TMEM131: variants seen among roughly 807,000 people sequenced by gnomAD.
TMEM131 encodes the protein 2610524E03Rik.
A neutral mutation model predicts 211.6 loss-of-function variants in TMEM131; 66 were observed. That is an observed-to-expected ratio of 0.31 (90% CI 0.26 to 0.38). The LOEUF is 0.38. TMEM131 is among the 10% of genes least tolerant of loss of function. The pLI is 1.00. For synonymous variants in TMEM131, 844 were observed against 841.3 expected, an observed-to-expected ratio of 1.00 and a Z score of -0.06; for missense variants, 2,036 against 2,299.3, an observed-to-expected ratio of 0.89 and a Z score of 2.34.
chr2:97,872,726 A>C (rs533115761), intron 4 of TMEM131, among the ~76,000 whole-genome samples: 9 of 152,322 alleles, frequency 5.9e-5, no homozygotes, highest in African/African-American at 2.2e-4. Context: ...CGCTTGTCCC[A>C]TGGTCTCTGC....
intron 1 of TMEM131, among the ~76,000 whole-genome samples, chr2:97,992,771 TCACA>T (rs1680321061): frequency 6.6e-6 from 1 of 152,184 alleles, no homozygotes; most frequent in Non-Finnish European, 1.5e-5. Context: ...TTTTCACAAC[TCACA>T]CACATTTTTG....
intron 4 of TMEM131, among the ~76,000 whole-genome samples, chr2:97,871,958 T>C (rs1573488363): frequency 7.9e-6 from 1 of 126,626 alleles, no homozygotes; most frequent in Non-Finnish European, 1.6e-5. Context: ...GAGTGGAGAA[T>C]GGGAGGGGAG....
chr2:97,760,575 A>T lies in TMEM131; in HGVS notation c.5108+18T>A, dbSNP rs1306524594. On this transcript the variant is annotated intron_variant, in intron 38 of 40. Transcript: ENST00000186436. ...GAAGCCTTCCGTCTTTCTAGCGGTT[A>T]GTGGTGGTCTACCGTACCTGTCTGA... is the stretch of plus-strand genomic sequence containing the variant. The T allele has an allele frequency of 3.7e-6, 6 of 1,600,126 alleles. No homozygotes were observed. The highest frequency in any genetic ancestry group is 5.1e-6 in the Non-Finnish European group (6 of 1,172,364).
chr2:97,954,119 G>T (rs192588238), intron 1 of TMEM131, among the ~76,000 whole-genome samples: 60 of 152,228 alleles, frequency 3.9e-4, no homozygotes, highest in Middle Eastern at 3.4e-3. Flanking sequence ...AGAAAAAGTA[G>T]AGCAAAATAA....
At chr2:97,868,119 G>A (rs760870182) in intron 4 of TMEM131, among the ~76,000 whole-genome samples, 4 of 152,090 alleles carry the variant, frequency 2.6e-5, no homozygotes, top group Non-Finnish European at 5.9e-5. Context: ...ATTTCGAGTT[G>A]TTATTTTTGT....
intron 29 of TMEM131, among the ~76,000 whole-genome samples, chr2:97,794,363 C>T (rs1037328620): frequency 1.3e-5 from 2 of 152,092 alleles, no homozygotes; most frequent in Non-Finnish European, 2.9e-5. Flanking sequence ...AGAATGCCAT[C>T]TCACATGGAG....
rs564185474 is a variant in TMEM131, at chr2:97,987,064, G to C, written c.187+8412C>G. Among the ~76,000 whole-genome samples, 11 of 152,296 alleles carry C rather than the reference G, an allele frequency of 7.2e-5. 1 individual carries two copies. Among genetic ancestry groups the C allele is most frequent in the Admixed American group, 6.5e-4 (10 of 15,300 alleles). ...CCACTAATTAACCTGAATCCATAAA[G>C]TTGGCTATGCTATTTCTCAAACTTC... is the stretch of plus-strand genomic sequence containing the variant. On this transcript the variant is annotated intron_variant, in intron 1 of 40. Coordinates refer to ENST00000186436, the MANE Select transcript of TMEM131 (RefSeq NM_015348.2).
At chr2:97,920,027 G>T (rs1314625980) in intron 2 of TMEM131, among the ~76,000 whole-genome samples, 1 of 152,142 alleles carries the variant, frequency 6.6e-6, no homozygotes, top group Admixed American at 6.5e-5. Flanking sequence ...TTCTTCTTGG[G>T]CTCCTCCCAG....
chr2:97,887,885 T>C, intron 4 of TMEM131, 167 bp downstream of exon 4: 1 of 567,184 alleles, frequency 1.8e-6, no homozygotes, highest in Non-Finnish European at 3.1e-6. Context: ...TCCTAATAGA[T>C]ACTTACTTCC....
In TMEM131 at chr2:97,834,625, T is replaced by C. The variant is rs1192770964; in HGVS notation, c.1008A>G (p.Thr336=). 1.3e-6 allele frequency: 2 copies of C among 1,538,616 alleles called. No homozygotes were observed. Among genetic ancestry groups the C allele is most frequent in the East Asian group, 2.3e-5 (1 of 43,038 alleles). The part of the protein sequence containing the change: ...TEMLDFGTLR[T]QDLPKVLNLH... Reference sequence around the variant, plus strand: ...TCTTTTAAAAGATTTTTTTACCTTGTGTTCTTAGTGTACCAAAATCTAACA... The same window carrying C: ...TCTTTTAAAAGATTTTTTTACCTTGCGTTCTTAGTGTACCAAAATCTAACA... Residue 336 remains threonine, a synonymous_variant, in exon 10 of 41, where the codon ACA becomes ACG. Coordinates refer to ENST00000186436, the MANE Select transcript of TMEM131 (RefSeq NM_015348.2).
In TMEM131 at chr2:97,893,914, G is replaced by A. The variant is rs564240775; in HGVS notation, c.291-5794C>T. Among the ~76,000 whole-genome samples the A allele has an allele frequency of 2.0e-5, 3 of 152,288 alleles. No individual in the cohort carries two copies. In the East Asian group the frequency reaches 5.8e-4, roughly 29 times the overall value. On this transcript the variant is annotated intron_variant, in intron 3 of 40. Transcript: ENST00000186436. ...CCATGTGTCAATTTTGGCTTTTGCT[G>A]CCATTGCTTCTGGTGTTTTAGATAT...
At chr2:97,944,035 T>C (rs1473244193) in intron 1 of TMEM131, among the ~76,000 whole-genome samples, 2 of 151,990 alleles carry the variant, frequency 1.3e-5, no homozygotes, top group Admixed American at 6.6e-5. Flanking sequence ...TGAGCCAAGA[T>C]TGCGCCACTG....
intron 1 of TMEM131, among the ~76,000 whole-genome samples, chr2:97,957,891 G>A (rs1411883980): frequency 6.6e-6 from 1 of 152,124 alleles, no homozygotes; most frequent in Non-Finnish European, 1.5e-5. Flanking sequence ...AGTGCTAACG[G>A]CTAAGGCTGG....
chr2:97,802,724 C>G lies in TMEM131; in HGVS notation c.2469G>C (p.Glu823Asp). The change falls in exon 23 of 41, where the codon GAG (glutamate) becomes GAC (aspartate). Residue 823 changes from glutamate (E) to aspartate (D), a missense_variant. Physicochemically the swap from Glu to Asp is conservative, Grantham distance 45. Transcript: ENST00000186436. ...QKNIISKITA[E>D]LSWPSILSSP... ...AGCTAAGTATGGAAGGCCAGGAGAG[C>G]TCAGCAGTGATTTTTGATATTATAT... 1.3e-6 allele frequency: 2 copies of G among 1,589,508 alleles called. No individual in the cohort carries two copies. Among genetic ancestry groups the G allele is most frequent in the Non-Finnish European group, 1.7e-6 (2 of 1,172,262 alleles).
intron 4 of TMEM131, among the ~76,000 whole-genome samples, chr2:97,860,390 T>C (rs1674019767): frequency 6.6e-6 from 1 of 152,158 alleles, no homozygotes; most frequent in African/African-American, 2.4e-5. Flanking sequence ...CTAATTCAAA[T>C]ATACACCCTT....
chr2:97,771,121 C>A (rs1411822142), intron 33 of TMEM131, among the ~76,000 whole-genome samples: 1 of 152,068 alleles, frequency 6.6e-6, no homozygotes, highest in African/African-American at 2.4e-5. Flanking sequence ...CACCTGATAC[C>A]ACTCTGCTTG....
chr2:97,765,242 A>G (rs1679103197), intron 35 of TMEM131: 1 of 152,262 alleles, frequency 6.6e-6, no homozygotes, highest in South Asian at 2.1e-4. Context: ...CTCAGAGAGC[A>G]TCTCTTTCCA....
chr2:97,813,053 A>C (rs1681630484), intron 15 of TMEM131, among the ~76,000 whole-genome samples: 1 of 152,178 alleles, frequency 6.6e-6, no homozygotes, highest in Non-Finnish European at 1.5e-5. Context: ...ATAAAACCAC[A>C]CATTTATACG....
At chr2:97,898,195 G>T (rs62156481) in intron 3 of TMEM131, among the ~76,000 whole-genome samples, 2,185 of 151,448 alleles carry the variant, frequency 0.014, 32 homozygotes, top group Non-Finnish European at 0.02. Flanking sequence ...TCTATTTAAA[G>T]CTGATGCTCT....
Sources: allele counts gnomAD v4.1 joint callset (sites outside exome capture counted in the v4.1 genomes callset), GRCh38; gene constraint gnomAD v4.1.1; transcripts MANE v1.5; gene names NCBI Gene and HGNC (gene_info 2026-07-23, HGNC 2026-07-21).